Variants in HPCAL1 observed in about 807,000 individuals in gnomAD.
HPCAL1 encodes hippocalcin like 1.
In HPCAL1, 8 loss-of-function variants were observed where a neutral mutation model predicts 17.1. The observed-to-expected ratio is 0.47, with a 90% CI of 0.27 to 0.84. The LOEUF is 0.84. HPCAL1 is among the 40% of genes least tolerant of loss of function. The probability of loss-of-function intolerance (pLI) is 0.13; values close to 1 mark genes in which losing one functional copy is unlikely to be tolerated. For synonymous variants in HPCAL1, 112 were observed against 111.4 expected, an observed-to-expected ratio of 1.01 and a Z score of -0.03; for missense variants, 165 against 271.1, an observed-to-expected ratio of 0.61 and a Z score of 2.75.
At chr2:10,375,567 C>T (rs752122627) in intron 1 of HPCAL1, among the ~76,000 whole-genome samples, 2 of 152,202 alleles carry the variant, frequency 1.3e-5, no homozygotes, top group Admixed American at 6.5e-5. Context: ...TGCAGTGTGG[C>T]GTGTTGGGTT....
chr2:10,347,826 C>T (rs1271564981), intron 1 of HPCAL1, among the ~76,000 whole-genome samples: 2 of 152,150 alleles, frequency 1.3e-5, no homozygotes, highest in East Asian at 3.9e-4. Context: ...TCTGTGTCCT[C>T]ATTAATTCAG....
rs549897952 is a variant in HPCAL1, at chr2:10,377,518, C to G, written c.-110-19317C>G. Among the ~76,000 whole-genome samples, 1 of 152,130 alleles carries G rather than the reference C, an allele frequency of 6.6e-6. No individual in the cohort carries two copies. Among genetic ancestry groups the G allele is most frequent in the Admixed American group, 6.5e-5 (1 of 15,286 alleles). Reference sequence around the variant, plus strand: ...CCACACCCCCATCCCTGTCCTTTCACGCACTGTCTGCCCGCACACACTCTT... The same window carrying G: ...CCACACCCCCATCCCTGTCCTTTCAGGCACTGTCTGCCCGCACACACTCTT... On this transcript the variant is annotated intron_variant, in intron 1 of 4. Coordinates refer to ENST00000307845, the MANE Select transcript of HPCAL1 (RefSeq NM_002149.4). The surrounding 1 kb of genome is among the most constrained non-coding windows in gnomAD (Gnocchi z 5.9).
intron 1 of HPCAL1, among the ~76,000 whole-genome samples, chr2:10,307,351 T>G (rs1662690810): frequency 6.6e-6 from 1 of 152,156 alleles, no homozygotes; most frequent in African/African-American, 2.4e-5. Context: ...GCAAGTGAGG[T>G]CTCCTCTCAG....
intron 4 of HPCAL1, chr2:10,423,829 A>C (rs1408067993): frequency 1.3e-5 from 2 of 152,720 alleles, no homozygotes; most frequent in Non-Finnish European, 2.9e-5. Context: ...GCAGTGGCTC[A>C]CGCCTGTAAT....
At chr2:10,334,237 TCTTC>T (rs1338365700) in intron 1 of HPCAL1, among the ~76,000 whole-genome samples, 231 of 152,282 alleles carry the variant, frequency 1.5e-3, no homozygotes, top group African/African-American at 5.5e-3. Context: ...TAATCCCAGC[TCTTC>T]GGGAGGCTGA....
rs1669143959 is a variant in HPCAL1, at chr2:10,397,666, C to A, written c.-25+746C>A. On this transcript the variant is annotated intron_variant, in intron 2 of 4. Coordinates refer to ENST00000307845, the MANE Select transcript of HPCAL1 (RefSeq NM_002149.4). ...TTTTTCCATCCGGAATCCTTCCTGG[C>A]CCTGCCTGAGCTAACTCCGTGAGCT... is the stretch of plus-strand genomic sequence containing the variant. 3.3e-5 allele frequency among the ~76,000 whole-genome samples: 5 copies of A among 152,308 alleles called. No homozygotes were observed. In the South Asian group the frequency reaches 1.0e-3, roughly 32 times the overall value.
intron 1 of HPCAL1, chr2:10,324,204 G>A (rs1663845851): frequency 6.6e-6 from 1 of 152,226 alleles, no homozygotes; most frequent in Non-Finnish European, 1.5e-5. Context: ...TGTCATGTCA[G>A]TTTTGAGAAC....
intron 4 of HPCAL1, 172 bp from the exon 5 acceptor site, chr2:10,426,552 T>C (rs1359826583): frequency 1.1e-5 from 7 of 634,066 alleles, no homozygotes; most frequent in Non-Finnish European, 2.0e-5. Context: ...AAAAAGGATT[T>C]TTTTTCAGAA....
At chr2:10,335,071 T>G (rs897650159) in intron 1 of HPCAL1, among the ~76,000 whole-genome samples, 6 of 152,216 alleles carry the variant, frequency 3.9e-5, no homozygotes, top group Non-Finnish European at 1.5e-5. Flanking sequence ...TGAATATTGA[T>G]CCTCCTTGAG....
chr2:10,394,428 G>A lies in HPCAL1; in HGVS notation c.-110-2407G>A, dbSNP rs774404771. Among the ~76,000 whole-genome samples the A allele has an allele frequency of 6.6e-6, 1 of 152,194 alleles. No homozygotes were observed. Among genetic ancestry groups the A allele is most frequent in the Non-Finnish European group, 1.5e-5 (1 of 68,038 alleles). ...ATTTCTCGGAGTGTCAAAGCAGTGC[G>A]CACGGAGCTGTGAGATAAATTGGCT... On this transcript the variant is annotated intron_variant, in intron 1 of 4. Transcript: ENST00000307845. The surrounding 1 kb of genome is among the most constrained non-coding windows in gnomAD (Gnocchi z 5.0).
intron 1 of HPCAL1, among the ~76,000 whole-genome samples, chr2:10,307,231 G>A (rs904532068): frequency 2.0e-5 from 3 of 152,206 alleles, no homozygotes; most frequent in African/African-American, 7.2e-5. Context: ...CTGAAAAAAG[G>A]AAGAAGGCTT....
intron 1 of HPCAL1, among the ~76,000 whole-genome samples, chr2:10,370,914 G>A (rs2125510493): frequency 6.6e-6 from 1 of 152,366 alleles, no homozygotes; most frequent in South Asian, 2.1e-4. Context: ...ACCTAAAGTT[G>A]TCACAGAATT....
intron 1 of HPCAL1, among the ~76,000 whole-genome samples, chr2:10,385,640 G>A (rs1013537526): frequency 1.3e-5 from 2 of 152,200 alleles, no homozygotes; most frequent in African/African-American, 4.8e-5. Flanking sequence ...CTGCTTGGCC[G>A]CGTGGTGTCA....
intron 1 of HPCAL1, among the ~76,000 whole-genome samples, chr2:10,375,322 A>G (rs1667484378): frequency 6.6e-6 from 1 of 152,166 alleles, no homozygotes. Flanking sequence ...CCTAGAATTC[A>G]CCAGGCAGGA....
Position 10,319,517 on chromosome 2 carries a change from C to T in HPCAL1, c.-111+16340C>T, listed in dbSNP as rs559880143. Reference sequence around the variant, plus strand: ...AGCATCGATTTAGCAAGCAGCTCTGCTCAAACAGCCAGCTGTGTGATCACC... The same window carrying T: ...AGCATCGATTTAGCAAGCAGCTCTGTTCAAACAGCCAGCTGTGTGATCACC... On this transcript the variant is annotated intron_variant, in intron 1 of 4. Transcript: ENST00000307845. 4.2e-5 allele frequency among the ~76,000 whole-genome samples: 6 copies of T among 141,392 alleles called. No homozygotes were observed. In the South Asian group the frequency reaches 1.4e-3, roughly 33 times the overall value. The allele number at this position is 141,392 out of a possible 152,430, so 92.8% of individuals were successfully genotyped here.
intron 1 of HPCAL1, among the ~76,000 whole-genome samples, chr2:10,360,143 G>C (rs1368251958): frequency 6.6e-6 from 1 of 152,148 alleles, no homozygotes; most frequent in East Asian, 1.9e-4. Flanking sequence ...AGCGTGTCGG[G>C]TGACTCTGCT....
chr2:10,361,656 C>T (rs753439675), intron 1 of HPCAL1, among the ~76,000 whole-genome samples: 4 of 152,096 alleles, frequency 2.6e-5, no homozygotes, highest in South Asian at 2.1e-4. Context: ...ACATAAATAA[C>T]GTTTCCATAG....
intron 1 of HPCAL1, among the ~76,000 whole-genome samples, chr2:10,324,187 G>C (rs963797990): frequency 1.3e-5 from 2 of 152,230 alleles, no homozygotes; most frequent in Non-Finnish European, 2.9e-5. Context: ...TGCAAATACT[G>C]TTTCATTGTC....
intron 2 of HPCAL1, among the ~76,000 whole-genome samples, chr2:10,402,761 C>T (rs185161238): frequency 1.1e-4 from 17 of 152,112 alleles, no homozygotes; most frequent in African/African-American, 9.7e-5. Flanking sequence ...AAGTTTTTGA[C>T]GGGTGTGCTG....
Sources: gnomAD v4.1 joint callset for allele counts (sites outside exome capture counted in the v4.1 genomes callset) on GRCh38, gnomAD v4.1.1 for gene constraint, Gnocchi (gnomAD v3.1) non-coding constraint, MANE v1.5 for transcripts, NCBI Gene and HGNC (gene_info 2026-07-23, HGNC 2026-07-21) for gene names.